Variants in DENND1A observed in about 807,000 individuals in gnomAD.
DENND1A encodes the protein DENN domain containing 1A, also known as DENN domain-containing protein 1A.
In DENND1A, 51 loss-of-function variants were observed where a neutral mutation model predicts 113.7. The ratio of observed to expected loss-of-function variants is 0.45; its 90% confidence interval spans 0.36 to 0.57. The LOEUF (loss-of-function observed/expected upper bound fraction) is 0.57. Ranked by LOEUF, DENND1A falls within the 20% of genes least tolerant of loss-of-function variation. The pLI is 0.00. For missense variants in DENND1A, 1,258 were observed against 1,395.9 expected (o/e 0.90, Z 1.57); for synonymous variants, 565 against 570.8 (o/e 0.99, Z 0.14).
intron 3 of DENND1A, among the ~76,000 whole-genome samples, chr9:123,772,161 C>A (rs1360522707): frequency 2.6e-5 from 4 of 152,102 alleles, no homozygotes; most frequent in Non-Finnish European, 5.9e-5. Flanking sequence ...CTGCAATAAA[C>A]CAATTTAATA....
intron 13 of DENND1A, among the ~76,000 whole-genome samples, chr9:123,541,064 T>C (rs1461216408): frequency 6.6e-6 from 1 of 152,238 alleles, no homozygotes; most frequent in African/African-American, 2.4e-5. Flanking sequence ...TTGATTTTCA[T>C]CTTTGTTTAC....
At chr9:123,564,119 G>A (rs988697863) in intron 12 of DENND1A, among the ~76,000 whole-genome samples, 1 of 152,138 alleles carries the variant, frequency 6.6e-6, no homozygotes, top group African/African-American at 2.4e-5. Flanking sequence ...TTCAGAAGGG[G>A]TTCTCATGTT....
intron 19 of DENND1A, among the ~76,000 whole-genome samples, chr9:123,425,988 G>A (rs1032651732): frequency 1.3e-5 from 2 of 152,254 alleles, no homozygotes; most frequent in Non-Finnish European, 2.9e-5. Flanking sequence ...AGGCGCTAGG[G>A]ACTAGAGAAG....
chr9:123,383,510 C>T, intron 23 of DENND1A, 145 bp downstream of exon 23: 2 of 1,318,606 alleles, frequency 1.5e-6, no homozygotes, highest in South Asian at 2.8e-5. Context: ...GAGGTGTTTA[C>T]AGTCACACTG....
Position 123,472,088 on chromosome 9 carries a change from T to C in DENND1A, c.994-14191A>G, listed in dbSNP as rs546730582. On this transcript the variant is annotated intron_variant, in intron 13 of 23. Coordinates refer to ENST00000394215, the MANE Select transcript of DENND1A (RefSeq NM_001352964.2). ...GATATGGTGTGTGTCAAGCTGCCCG[T>C]ACTTTGGAGCACACAGCAGGTGCTC... is the stretch of plus-strand genomic sequence containing the variant. 1.2e-4 allele frequency among the ~76,000 whole-genome samples: 18 copies of C among 152,294 alleles called. No individual in the cohort carries two copies. The South Asian group carries it at 3.5e-3, about 30-fold the overall frequency.
intron 13 of DENND1A, among the ~76,000 whole-genome samples, chr9:123,554,166 C>T (rs546473389): frequency 1.1e-4 from 16 of 152,338 alleles, no homozygotes; most frequent in African/African-American, 3.4e-4. Context: ...ATGCAGCCAA[C>T]GCCTCCTCCC....
intron 5 of DENND1A, among the ~76,000 whole-genome samples, chr9:123,756,958 C>A (rs1458660585): frequency 6.6e-6 from 1 of 152,166 alleles, no homozygotes; most frequent in Non-Finnish European, 1.5e-5. Flanking sequence ...AGGAGGCAGG[C>A]CCCTCTGACA....
chr9:123,735,685 C>G (rs1309908861), intron 5 of DENND1A, among the ~76,000 whole-genome samples: 3 of 152,148 alleles, frequency 2.0e-5, no homozygotes, highest in African/African-American at 7.2e-5. Flanking sequence ...CCCAAAACAA[C>G]AGTCACCTTT....
intron 13 of DENND1A, among the ~76,000 whole-genome samples, chr9:123,473,617 C>G (rs2049631961): frequency 6.6e-6 from 1 of 152,150 alleles, no homozygotes; most frequent in African/African-American, 2.4e-5. Flanking sequence ...TCTTATCTGC[C>G]CTGGAACCAC....
At chr9:123,867,290 T>C (rs1358938055) in intron 2 of DENND1A, among the ~76,000 whole-genome samples, 1 of 152,210 alleles carries the variant, frequency 6.6e-6, no homozygotes, top group African/African-American at 2.4e-5. Flanking sequence ...ACATGAGGTC[T>C]AGTTCCTGTT....
At chr9:123,713,557 T>G (rs1315316137) in intron 5 of DENND1A, among the ~76,000 whole-genome samples, 1 of 152,194 alleles carries the variant, frequency 6.6e-6, no homozygotes, top group Non-Finnish European at 1.5e-5. Context: ...CAGCAACTGC[T>G]CATAGGAGTG....
intron 12 of DENND1A, among the ~76,000 whole-genome samples, chr9:123,576,662 C>T (rs2058655198): frequency 6.6e-6 from 1 of 152,122 alleles, no homozygotes; most frequent in East Asian, 1.9e-4. Context: ...TCATGACTGG[C>T]TAATTTTTGT....
rs777076599 is a variant in DENND1A at position 123,381,697 on chromosome 9, C to T, written c.2948G>A (p.Arg983Gln). ...GPPAVAPSRI[R>Q]TLPLARSSAR... ...ACTTGAGCGGGCCAGGGGCAACGTT[C>T]GGATCCTCGACGGGGCAACTGCTGG... The change falls in exon 24 of 24, where the codon CGA becomes CAA. Residue 983 changes from arginine (R) to glutamine (Q), a missense_variant. Arg to Gln is a conservative substitution (Grantham distance 43, BLOSUM62 1). This residue lies in a region of DENND1A where 1,159 missense variants were observed against 1,231.7 expected (regional missense o/e 0.94). Transcript: ENST00000394215. The surrounding 1 kb of genome is among the most constrained non-coding windows in gnomAD (Gnocchi z 4.7). 3.2e-5 allele frequency: 50 copies of T among 1,563,222 alleles called. No individual in the cohort carries two copies. The highest frequency in any genetic ancestry group is 2.7e-4 in the South Asian group (23 of 85,808).
intron 13 of DENND1A, among the ~76,000 whole-genome samples, chr9:123,465,885 T>C (rs1468548878): frequency 2.0e-5 from 3 of 152,248 alleles, no homozygotes; most frequent in Admixed American, 2.0e-4. Flanking sequence ...AAATGCTAAC[T>C]CATATGTACA....
At chr9:123,540,853 A>T (rs2056235137) in intron 13 of DENND1A, among the ~76,000 whole-genome samples, 1 of 152,200 alleles carries the variant, frequency 6.6e-6, no homozygotes, top group African/African-American at 2.4e-5. Context: ...TCCTCCCTAG[A>T]TGCTGGAAAC....
At chr9:123,860,419 A>C (rs1158937218) in intron 2 of DENND1A, among the ~76,000 whole-genome samples, 1 of 152,228 alleles carries the variant, frequency 6.6e-6, no homozygotes, top group Non-Finnish European at 1.5e-5. Context: ...TCAGTTACAG[A>C]ATTCTCCATA....
At position 123,739,924 on chromosome 9, in the gene DENND1A, A is replaced by AG. The variant is rs1257129378; in HGVS notation, c.302+17778_302+17779insC. Among the ~76,000 whole-genome samples, 517 of 127,940 alleles carry AG rather than the reference A, an allele frequency of 4.0e-3. 3 individuals are homozygous for AG. Among genetic ancestry groups the AG allele is most frequent in the African/African-American group, 0.014 (493 of 35,554 alleles). 83.9% of individuals were successfully genotyped at this position (127,940 alleles called of 152,430 possible). On this transcript the variant is annotated intron_variant, in intron 5 of 23. Transcript: ENST00000394215. ...TCTTAATTCCCTGGTACATAGGAGA[A>AG]AAAAAAAAAAAAAGGCTTCATATAA...
At chr9:123,885,029 ACT>A (rs1242846747) in intron 1 of DENND1A, among the ~76,000 whole-genome samples, 2 of 140,992 alleles carry the variant, frequency 1.4e-5, no homozygotes, top group Admixed American at 6.9e-5. Context: ...ACACACACAC[ACT>A]CACTCTCTCT....
At chr9:123,460,082 CTAAGT>C (rs1323819873) in intron 13 of DENND1A, among the ~76,000 whole-genome samples, 4 of 152,134 alleles carry the variant, frequency 2.6e-5, no homozygotes, top group African/African-American at 9.7e-5. Flanking sequence ...TATGTGGCAT[CTAAGT>C]TAAGTTACAA....
Sources: gnomAD v4.1 joint callset for allele counts (sites outside exome capture counted in the v4.1 genomes callset) on GRCh38, gnomAD v4.1.1 for gene constraint, gnomAD v4.1.1 regional missense constraint, Gnocchi (gnomAD v3.1) non-coding constraint, MANE v1.5 for transcripts, NCBI Gene and HGNC (gene_info 2026-07-23, HGNC 2026-07-21) for gene names.